DLG2: variants seen among roughly 807,000 people sequenced by gnomAD.
The protein encoded by DLG2 is disks large homolog 2.
A neutral mutation model predicts 132.5 loss-of-function variants in DLG2; 45 were observed. That is an observed-to-expected ratio of 0.34 (90% CI 0.27 to 0.44). The LOEUF is 0.44. DLG2 is among the 20% of genes least tolerant of loss of function. The pLI, the probability that DLG2 is intolerant of heterozygous loss-of-function variation, is 1.00. For missense variants in DLG2, 1,045 were observed against 1,196.9 expected (o/e 0.87, Z 1.87); for synonymous variants, 424 against 419.6 (o/e 1.01, Z -0.13).
intron 4 of DLG2, among the ~76,000 whole-genome samples, chr11:85,243,739 A>G (rs2152682545): frequency 6.6e-6 from 1 of 152,110 alleles, no homozygotes; most frequent in African/African-American, 2.4e-5. Flanking sequence ...TGGAGAAGCC[A>G]GGAGTTCTAA....
intron 3 of DLG2, among the ~76,000 whole-genome samples, chr11:85,582,924 T>C (rs2078649368): frequency 6.7e-6 from 1 of 148,498 alleles, no homozygotes; most frequent in Admixed American, 6.8e-5. Context: ...ATGATTCAAT[T>C]TGCAAATATA....
intron 15 of DLG2, among the ~76,000 whole-genome samples, chr11:83,881,730 T>C (rs2066318696): frequency 6.6e-6 from 1 of 152,210 alleles, no homozygotes; most frequent in South Asian, 2.1e-4. Flanking sequence ...TTATGTCCCA[T>C]AAATTTCCAT....
At chr11:83,731,373 T>C (rs1047673815) in intron 18 of DLG2, among the ~76,000 whole-genome samples, 1 of 152,160 alleles carries the variant, frequency 6.6e-6, no homozygotes, top group African/African-American at 2.4e-5. Context: ...CACTTATGAG[T>C]GAGAACACGT....
chr11:84,736,357 CT>C (rs1412410648), intron 6 of DLG2, among the ~76,000 whole-genome samples: 2 of 151,608 alleles, frequency 1.3e-5, no homozygotes, highest in Non-Finnish European at 2.9e-5. Flanking sequence ...TTTGACTCTC[CT>C]AGGTACTTTA....
intron 3 of DLG2, among the ~76,000 whole-genome samples, chr11:85,514,362 C>T (rs1234487224): frequency 3.3e-5 from 5 of 151,960 alleles, no homozygotes; most frequent in Admixed American, 6.6e-5. Context: ...AGAGAATATG[C>T]CAACTGGCAA....
chr11:84,555,293 G>A (rs999787200), intron 6 of DLG2, among the ~76,000 whole-genome samples: 1 of 152,014 alleles, frequency 6.6e-6, no homozygotes, highest in Non-Finnish European at 1.5e-5. Flanking sequence ...CCACTTCTGG[G>A]TATATATCCC....
chr11:83,753,854 ATATATATATTT>A (rs2093501101), intron 18 of DLG2, among the ~76,000 whole-genome samples: 1 of 6,828 alleles, frequency 1.5e-4, no homozygotes, highest in Admixed American at 1.8e-3. Flanking sequence ...CATATATATC[ATATATATATTT>A]CATATATATG....
intron 18 of DLG2, among the ~76,000 whole-genome samples, chr11:83,770,614 A>AT (rs986733129): frequency 6.6e-6 from 1 of 151,364 alleles, no homozygotes; most frequent in Non-Finnish European, 1.5e-5. Context: ...AAGTGCGCTT[A>AT]TTTTTTTTTC....
At chr11:83,895,449 C>T (rs563862977) in intron 15 of DLG2, among the ~76,000 whole-genome samples, 4 of 152,254 alleles carry the variant, frequency 2.6e-5, no homozygotes, top group South Asian at 2.1e-4. Flanking sequence ...CGTGAGCCAC[C>T]GCGTCCAGCC....
chr11:85,536,549 C>A (rs182414227), intron 3 of DLG2, among the ~76,000 whole-genome samples: 1 of 152,224 alleles, frequency 6.6e-6, no homozygotes, highest in Non-Finnish European at 1.5e-5. Context: ...CCTGTTGCTG[C>A]GCTATGAGGG....
chr11:84,204,374 C>A (rs894863486), intron 8 of DLG2, among the ~76,000 whole-genome samples: 4 of 152,012 alleles, frequency 2.6e-5, no homozygotes, highest in Non-Finnish European at 2.9e-5. Flanking sequence ...TGTGGCAGGG[C>A]ACGGTATTGA....
At chr11:84,162,881 G>A (rs764130158) in intron 9 of DLG2, among the ~76,000 whole-genome samples, 24 of 151,724 alleles carry the variant, frequency 1.6e-4, no homozygotes, top group Non-Finnish European at 2.9e-4. Context: ...TTTTCTACAC[G>A]GTCTTTGGCC....
At chr11:85,108,760 A>G (rs35208345) in intron 6 of DLG2, among the ~76,000 whole-genome samples, 3,693 of 152,166 alleles carry the variant, frequency 0.024, 75 homozygotes, top group Non-Finnish European at 0.04. Context: ...GTAGTATTAA[A>G]CTATTTTCTT....
At chr11:83,717,379 T>C (rs868651298) in intron 18 of DLG2, among the ~76,000 whole-genome samples, 9 of 152,338 alleles carry the variant, frequency 5.9e-5, no homozygotes, top group Middle Eastern at 3.4e-3. Context: ...CTCCTAGATA[T>C]TAATGCAGAT....
chr11:85,304,399 A>G (rs1383002818), intron 3 of DLG2, among the ~76,000 whole-genome samples: 1 of 152,158 alleles, frequency 6.6e-6, no homozygotes, highest in Admixed American at 6.5e-5. Context: ...CAAGAAAGGT[A>G]AATCCTAGGT....
intron 3 of DLG2, among the ~76,000 whole-genome samples, chr11:85,410,688 C>T (rs2089231055): frequency 6.6e-6 from 1 of 151,750 alleles, no homozygotes; most frequent in Non-Finnish European, 1.5e-5. Context: ...TGAAAATGTG[C>T]ATATTTAAGA....
At chr11:85,491,793 T>C (rs1451917971) in intron 3 of DLG2, among the ~76,000 whole-genome samples, 7 of 152,074 alleles carry the variant, frequency 4.6e-5, no homozygotes, top group Non-Finnish European at 2.9e-5. Context: ...GAATTGGAAG[T>C]ATTAGTATTA....
At chr11:85,133,756 C>T (rs184681675) in intron 5 of DLG2, among the ~76,000 whole-genome samples, 15 of 152,214 alleles carry the variant, frequency 9.9e-5, no homozygotes, top group African/African-American at 3.6e-4. Flanking sequence ...TTGCTGTCTG[C>T]AGGCACTTAT....
At chr11:84,102,135 A>G (rs922358330) in intron 9 of DLG2, among the ~76,000 whole-genome samples, 1 of 152,130 alleles carries the variant, frequency 6.6e-6, no homozygotes, top group African/African-American at 2.4e-5. Context: ...TCAAATTAAT[A>G]CTAAATTATC....
Sources: gnomAD v4.1 joint callset for allele counts (sites outside exome capture counted in the v4.1 genomes callset) on GRCh38, gnomAD v4.1.1 for gene constraint, MANE v1.5 for transcripts, NCBI Gene and HGNC (gene_info 2026-07-23, HGNC 2026-07-21) for gene names.